The following PTPRK variants were observed in gnomAD, a reference collection of about 807,000 sequenced individuals.
PTPRK encodes protein tyrosine phosphatase receptor type K.
Under a neutral mutation model 178.0 loss-of-function variants are expected in PTPRK, and 75 were observed. The observed-to-expected ratio is 0.42, with a 90% confidence interval of 0.35 to 0.51. The LOEUF is 0.51. Ranked by LOEUF, PTPRK falls within the 20% of genes least tolerant of loss-of-function variation. PTPRK has a pLI of 0.02. For missense variants in PTPRK, 1,441 were observed against 1,797.8 expected (o/e 0.80, Z 3.59); for synonymous variants, 637 against 620.6 (o/e 1.03, Z -0.39).
intron 1 of PTPRK, among the ~76,000 whole-genome samples, chr6:128,474,733 C>T (rs747562124): frequency 2.9e-4 from 44 of 152,062 alleles, no homozygotes; most frequent in Non-Finnish European, 5.3e-4. Context: ...ATGCCCCAAA[C>T]TGTCAACAGC....
At chr6:128,259,048 A>G (rs2128292693) in intron 3 of PTPRK, among the ~76,000 whole-genome samples, 1 of 152,130 alleles carries the variant, frequency 6.6e-6, no homozygotes, top group African/African-American at 2.4e-5. Flanking sequence ...AGCCTCAGAG[A>G]GGTAATAAGG....
chr6:128,139,065 A>G (rs905383966), intron 7 of PTPRK, among the ~76,000 whole-genome samples: 2 of 152,036 alleles, frequency 1.3e-5, no homozygotes, highest in African/African-American at 4.8e-5. Context: ...GCCTAGAGAA[A>G]AATAGCATGA....
At chr6:128,362,017 A>G (rs953598564) in intron 2 of PTPRK, among the ~76,000 whole-genome samples, 1 of 152,142 alleles carries the variant, frequency 6.6e-6, no homozygotes, top group African/African-American at 2.4e-5. Context: ...ACAAAAGGGG[A>G]CACTTTATAT....
chr6:128,261,143 C>T (rs542638361), intron 3 of PTPRK, among the ~76,000 whole-genome samples: 2 of 152,124 alleles, frequency 1.3e-5, no homozygotes, highest in South Asian at 2.1e-4. Context: ...ATATTCCAAG[C>T]TCAGTGCTCC....
At chr6:128,514,370 A>ATGTG (rs146438569) in intron 1 of PTPRK, among the ~76,000 whole-genome samples, 4,254 of 148,348 alleles carry the variant, frequency 0.029, 155 homozygotes, top group African/African-American at 0.083. Flanking sequence ...CATTGTTAAG[A>ATGTG]TGTGTGTGTG....
chr6:128,511,691 T>C (rs1249530090), intron 1 of PTPRK, among the ~76,000 whole-genome samples: 1 of 152,198 alleles, frequency 6.6e-6, no homozygotes, highest in East Asian at 1.9e-4. Context: ...TTGCAACCAG[T>C]CTGGGTTACA....
At chr6:128,312,061 T>A (rs546534088) in intron 3 of PTPRK, among the ~76,000 whole-genome samples, 134 of 152,296 alleles carry the variant, frequency 8.8e-4, no homozygotes, top group African/African-American at 3.1e-3. Context: ...AAATATGATT[T>A]CACATAAAGA....
intron 2 of PTPRK, among the ~76,000 whole-genome samples, chr6:128,343,163 A>G (rs1210663426): frequency 3.9e-5 from 6 of 152,176 alleles, no homozygotes; most frequent in Non-Finnish European, 8.8e-5. Flanking sequence ...TGTTCTGGAT[A>G]TCGTAACGCA....
intron 7 of PTPRK, among the ~76,000 whole-genome samples, chr6:128,130,909 T>C (rs1410548337): frequency 1.3e-5 from 2 of 152,216 alleles, no homozygotes; most frequent in Admixed American, 1.3e-4. Context: ...CTGGGCTAGC[T>C]CCTCCACTCC....
At chr6:128,102,637 G>C (rs1301491434) in intron 7 of PTPRK, among the ~76,000 whole-genome samples, 1 of 152,196 alleles carries the variant, frequency 6.6e-6, no homozygotes, top group African/African-American at 2.4e-5. Context: ...GTGGAAGAAA[G>C]TGTGCATGGG....
chr6:128,352,742 CAGCAGTATCCCCTAACAA>C (rs1833364730), intron 2 of PTPRK, among the ~76,000 whole-genome samples: 1 of 152,152 alleles, frequency 6.6e-6, no homozygotes, highest in African/African-American at 2.4e-5. Flanking sequence ...TGAGTTTCCA[CAGCAGTATCCCCTAACAA>C]AGCACATATA....
At position 127,973,117 on chromosome 6, in the gene PTPRK, T is replaced by A; in HGVS notation, c.4174A>T (p.Ile1392Phe). Residue 1392 changes from isoleucine to phenylalanine, a missense_variant, in exon 29 of 30, where the codon ATC becomes TTC. Physicochemically the swap from Ile to Phe is conservative, Grantham distance 21 (BLOSUM62 0). Coordinates refer to ENST00000368226, the MANE Select transcript of PTPRK (RefSeq NM_002844.4). Reference protein sequence around the residue: ...GRSGMFCAIGIVVEMVKRQNV... With the variant: ...GRSGMFCAIGFVVEMVKRQNV... ...TGCCGTTTCACCATTTCAACAACGATGCCTATAGCACAGAACATGCCACTT... is the reference window on the plus strand; with the variant it reads ...TGCCGTTTCACCATTTCAACAACGAAGCCTATAGCACAGAACATGCCACTT... 6.2e-7 allele frequency: 1 copy of A among 1,614,024 alleles called. No individual in the cohort carries two copies. Among genetic ancestry groups the A allele is most frequent in the Non-Finnish European group, 8.5e-7 (1 of 1,179,954 alleles).
chr6:128,321,090 A>T (rs1828722405), intron 3 of PTPRK: 2 of 152,182 alleles, frequency 1.3e-5, no homozygotes, highest in South Asian at 4.1e-4. Flanking sequence ...ATAAAGACAA[A>T]CCTAACTTAA....
chr6:128,373,530 G>T (rs990992764), intron 2 of PTPRK, among the ~76,000 whole-genome samples: 1 of 151,580 alleles, frequency 6.6e-6, no homozygotes, highest in East Asian at 1.9e-4. Context: ...AGAATGTCTG[G>T]TTTTTCTAAA....
At chr6:128,219,267 C>T (rs1809951635) in intron 5 of PTPRK, among the ~76,000 whole-genome samples, 171 bp from the exon 6 acceptor site, 1 of 152,168 alleles carries the variant, frequency 6.6e-6, no homozygotes, top group East Asian at 1.9e-4. Flanking sequence ...TCCTCGAAAG[C>T]AGTGGTCCTC....
At chr6:128,241,118 C>T (rs910794128) in intron 4 of PTPRK, 1 of 428,354 alleles carries the variant, frequency 2.3e-6, no homozygotes, top group African/African-American at 2.1e-5. Context: ...GCAGCTTGAA[C>T]TTTAAATGAG....
At chr6:128,294,044 T>C (rs568800978) in intron 3 of PTPRK, among the ~76,000 whole-genome samples, 108 of 152,234 alleles carry the variant, frequency 7.1e-4, no homozygotes, top group Middle Eastern at 6.8e-3. Flanking sequence ...TTGCTTTTTT[T>C]ATACTTCCCC....
intron 24 of PTPRK, among the ~76,000 whole-genome samples, chr6:127,981,993 C>T (rs959502398): frequency 3.9e-5 from 6 of 152,096 alleles, no homozygotes; most frequent in Admixed American, 6.5e-5. Context: ...GCATGCACCA[C>T]CACACCCGGC....
In PTPRK at chr6:128,238,196, AAAAAAAG is replaced by A. The variant is rs746688215; in HGVS notation, c.693+1832_693+1838del. The A allele has an allele frequency of 1.1e-3, 427 of 403,520 alleles. 3 individuals carry two copies. Among genetic ancestry groups the A allele is most frequent in the African/African-American group, 7.8e-3 (335 of 42,806 alleles). The allele number at this position is 403,520 out of a possible 1,614,324, so 25.0% of individuals were successfully genotyped here. Reference sequence around the variant, plus strand: ...TCTGTAGCAAACGCCAAAAAAAAAAAAAAAAAGAAAAGAAAAAAAAAAGAGGTGAGGT... The same window carrying A: ...TCTGTAGCAAACGCCAAAAAAAAAAAAAAAGAAAAAAAAAAGAGGTGAGGT... On this transcript the variant is annotated intron_variant, in intron 5 of 29. Transcript: ENST00000368226.
Sources: allele counts gnomAD v4.1 joint callset (sites outside exome capture counted in the v4.1 genomes callset), GRCh38; gene constraint gnomAD v4.1.1; transcripts MANE v1.5; gene names NCBI Gene and HGNC (gene_info 2026-07-23, HGNC 2026-07-21).